ATRNL1: variants seen among roughly 807,000 people sequenced by gnomAD.
The protein encoded by ATRNL1 is attractin-like protein 1.
ATRNL1 carries 95 observed loss-of-function variants against 182.7 expected under a neutral mutation model. The ratio of observed to expected loss-of-function variants is 0.52; its 90% CI spans 0.44 to 0.62. The LOEUF is 0.62. Among genes scored for constraint, ATRNL1 ranks in the 20% least tolerant of loss-of-function variants. ATRNL1 has a pLI of 0.00. For synonymous variants in ATRNL1, 576 were observed against 568.3 expected (o/e 1.01, Z -0.19); for missense variants, 1,471 against 1,679.5 (o/e 0.88, Z 2.17).
intron 26 of ATRNL1, among the ~76,000 whole-genome samples, chr10:115,696,388 T>C (rs1403680420): frequency 6.6e-6 from 1 of 152,176 alleles, no homozygotes; most frequent in Non-Finnish European, 1.5e-5. Flanking sequence ...AAGGATTGCT[T>C]GAGCCTGGGT....
chr10:115,283,855 T>C (rs1554917774), intron 14 of ATRNL1, among the ~76,000 whole-genome samples: 1 of 152,216 alleles, frequency 6.6e-6, no homozygotes, highest in African/African-American at 2.4e-5. Flanking sequence ...AAAAAAATGT[T>C]GCTTTGTTAT....
intron 28 of ATRNL1, among the ~76,000 whole-genome samples, chr10:115,855,432 C>G (rs185575443): frequency 6.6e-6 from 1 of 152,168 alleles, no homozygotes; most frequent in Non-Finnish European, 1.5e-5. Context: ...ATCAGAGTTG[C>G]TATGTTCTTT....
At chr10:115,199,201 T>C (rs2144287556) in intron 8 of ATRNL1, among the ~76,000 whole-genome samples, 1 of 152,240 alleles carries the variant, frequency 6.6e-6, no homozygotes, top group African/African-American at 2.4e-5. Context: ...TAGTTTTCAT[T>C]GTACAGATCT....
intron 20 of ATRNL1, among the ~76,000 whole-genome samples, chr10:115,403,512 A>G (rs782281975): frequency 8.5e-5 from 13 of 152,136 alleles, no homozygotes; most frequent in Non-Finnish European, 1.2e-4. Context: ...CTGGAGTGCA[A>G]TGGCACAATC....
At chr10:115,583,671 A>C (rs1468856280) in intron 26 of ATRNL1, among the ~76,000 whole-genome samples, 2 of 147,574 alleles carry the variant, frequency 1.4e-5, no homozygotes, top group African/African-American at 4.9e-5. Context: ...GGGGTTTTCT[A>C]GATATACAAT....
chr10:115,822,953 C>T (rs1311828212), intron 27 of ATRNL1, among the ~76,000 whole-genome samples: 2 of 152,146 alleles, frequency 1.3e-5, no homozygotes, highest in African/African-American at 4.8e-5. Flanking sequence ...TATCCTGATA[C>T]CAAAACTTGG....
chr10:115,317,192 C>T (rs2134018899), intron 18 of ATRNL1, among the ~76,000 whole-genome samples: 1 of 152,180 alleles, frequency 6.6e-6, no homozygotes, highest in Middle Eastern at 3.4e-3. Context: ...CCGTTGCTTG[C>T]TTTTGTCAGG....
chr10:115,555,425 G>A (rs868946812), intron 26 of ATRNL1, among the ~76,000 whole-genome samples: 1 of 151,718 alleles, frequency 6.6e-6, no homozygotes, highest in Non-Finnish European at 1.5e-5. Flanking sequence ...AGAGATTTTT[G>A]TATATCAGAA....
At chr10:115,317,832 C>G (rs782494614) in intron 18 of ATRNL1, among the ~76,000 whole-genome samples, 3 of 152,134 alleles carry the variant, frequency 2.0e-5, no homozygotes, top group Non-Finnish European at 4.4e-5. Flanking sequence ...AAAATCATGT[C>G]ATCTGCAAAC....
At chr10:115,751,410 G>C (rs916017863) in intron 27 of ATRNL1, among the ~76,000 whole-genome samples, 7 of 151,946 alleles carry the variant, frequency 4.6e-5, no homozygotes, top group Admixed American at 4.6e-4. Context: ...TGTTGCTATA[G>C]CACTAGGCAA....
chr10:115,584,818 C>G (rs1555009274), intron 26 of ATRNL1, among the ~76,000 whole-genome samples: 1 of 151,784 alleles, frequency 6.6e-6, no homozygotes, highest in Non-Finnish European at 1.5e-5. Flanking sequence ...TCTTGCTTTT[C>G]TAGTTCTTTT....
chr10:115,490,158 T>C (rs1592731154), intron 24 of ATRNL1, among the ~76,000 whole-genome samples: 1 of 152,132 alleles, frequency 6.6e-6, no homozygotes, highest in African/African-American at 2.4e-5. Flanking sequence ...CCCTTAACAT[T>C]TTTTTCCTTC....
At chr10:115,848,143 A>G (rs782449491) in intron 28 of ATRNL1, 152 bp downstream of exon 28, 17 of 601,674 alleles carry the variant, frequency 2.8e-5, no homozygotes, top group East Asian at 5.5e-5. Flanking sequence ...CTTTTACCCA[A>G]CTATCTAGAT....
intron 26 of ATRNL1, among the ~76,000 whole-genome samples, chr10:115,598,156 G>A (rs1379136971): frequency 2.0e-5 from 3 of 151,352 alleles, no homozygotes; most frequent in Admixed American, 6.6e-5. Context: ...CCAGGCAAGC[G>A]ATAAAACAAT....
chr10:115,115,569 T>A (rs560450519), intron 1 of ATRNL1, among the ~76,000 whole-genome samples: 135 of 152,210 alleles, frequency 8.9e-4, no homozygotes, highest in Middle Eastern at 3.4e-3. Context: ...AAGGAATTAA[T>A]AAGCTGATAA....
At chr10:115,121,485 C>G (rs1554871573) in intron 2 of ATRNL1, among the ~76,000 whole-genome samples, 1 of 152,106 alleles carries the variant, frequency 6.6e-6, no homozygotes, top group Non-Finnish European at 1.5e-5. Flanking sequence ...TTGAAAGTTA[C>G]ATTTTATTTG....
chr10:115,260,507 C>G (rs1317752565), intron 10 of ATRNL1, among the ~76,000 whole-genome samples: 1 of 152,156 alleles, frequency 6.6e-6, no homozygotes, highest in Non-Finnish European at 1.5e-5. Flanking sequence ...CACTAAATTC[C>G]TAATGACTCT....
intron 8 of ATRNL1, among the ~76,000 whole-genome samples, chr10:115,174,707 T>G (rs149705467): frequency 6.6e-6 from 1 of 152,074 alleles, no homozygotes; most frequent in African/African-American, 2.4e-5. Context: ...ATGGGCATGG[T>G]TGTGTTCAAT....
intron 19 of ATRNL1, among the ~76,000 whole-genome samples, chr10:115,391,621 A>AT (rs34059560): frequency 2.3e-4 from 34 of 147,978 alleles, no homozygotes; most frequent in Middle Eastern, 3.5e-3. Context: ...TATTCAATGC[A>AT]TTTTTTTTTT....
Sources: allele counts gnomAD v4.1 joint callset (sites outside exome capture counted in the v4.1 genomes callset), GRCh38; gene constraint gnomAD v4.1.1; transcripts MANE v1.5; gene names NCBI Gene and HGNC (gene_info 2026-07-23, HGNC 2026-07-21).